The following AGGF1 variants were observed in gnomAD, a reference collection of about 807,000 sequenced individuals.
The protein encoded by AGGF1 is angiogenic factor with G-patch and FHA domains 1, also known as angiogenic factor with G patch and FHA domains 1.
Under a neutral mutation model 86.5 loss-of-function variants are expected in AGGF1, and 56 were observed. That is an observed-to-expected ratio of 0.65 (90% confidence interval 0.52 to 0.81). The LOEUF (loss-of-function observed/expected upper bound fraction) is 0.81. Among genes scored for constraint, AGGF1 ranks in the 30% least tolerant of loss-of-function variants. The pLI, the probability that AGGF1 is intolerant of heterozygous loss-of-function variation, is 0.00. For synonymous variants in AGGF1, 313 were observed against 297.1 expected, an observed-to-expected ratio of 1.05 and a Z score of -0.55; for missense variants, 816 against 850.9, an observed-to-expected ratio of 0.96 and a Z score of 0.51.
At chr5:77,043,524 CGGGCGGGGGGCTG>C (rs1747175620) in intron 5 of AGGF1, among the ~76,000 whole-genome samples, 2 of 131,418 alleles carry the variant, frequency 1.5e-5, no homozygotes, top group African/African-American at 5.7e-5. Flanking sequence ...GGCGGCTGGC[CGGGCGGGGGGCTG>C]ACCCCCCCAC....
At chr5:77,033,029 G>T (rs1296028561) in intron 1 of AGGF1, among the ~76,000 whole-genome samples, 2 of 152,194 alleles carry the variant, frequency 1.3e-5, no homozygotes, top group Non-Finnish European at 2.9e-5. Context: ...GTAATTGCCT[G>T]AGAGGATCAT....
chr5:77,048,385 T>A, intron 7 of AGGF1, 113 bp downstream of exon 7: 1 of 892,128 alleles, frequency 1.1e-6, no homozygotes, highest in South Asian at 1.6e-5. Flanking sequence ...AGAGTTGTGC[T>A]CTGTTGTCCA....
intron 5 of AGGF1, among the ~76,000 whole-genome samples, chr5:77,042,433 CG>C (rs1200494416): frequency 2.7e-5 from 3 of 110,336 alleles, no homozygotes; most frequent in African/African-American, 6.4e-5. Context: ...GCTGGCTGGG[CG>C]GGGGGGCTGA....
At position 77,046,343 on chromosome 5, in the gene AGGF1, C is replaced by T. The variant is rs775877518; in HGVS notation, c.871-4C>T. 3.7e-6 allele frequency: 6 copies of T among 1,612,038 alleles called. No individual in the cohort carries two copies. The highest frequency in any genetic ancestry group is 5.1e-6 in the Non-Finnish European group (6 of 1,178,696). On this transcript the variant is annotated splice_polypyrimidine_tract_variant and splice_region_variant and intron_variant, in intron 5 of 13. Coordinates refer to ENST00000312916, the MANE Select transcript of AGGF1 (RefSeq NM_018046.5). ...TTCCCTCGTATCTACCCACCCTTCT[C>T]CAGGATTTGAACTCAGAGGATCAAA...
chr5:77,030,924 C>T lies in AGGF1; in HGVS notation c.158C>T (p.Thr53Ile), dbSNP rs1451580695. ...GAGATCGAGAAGCTGCTGCATCACA[C>T]AGAACGGCTGTACCAGAACGCAGAA... ...VREIEKLLHHTERLYQNAESN... is the reference protein window; with the variant it reads ...VREIEKLLHHIERLYQNAESN... The change falls in exon 1 of 14, where the codon ACA (threonine) becomes ATA (isoleucine). Residue 53 changes from threonine to isoleucine, a missense_variant. Thr to Ile is a moderately conservative substitution (Grantham distance 89). This residue lies in a region of AGGF1 where 240 missense variants were observed against 234.4 expected (regional missense o/e 1.02). Coordinates refer to ENST00000312916, the MANE Select transcript of AGGF1 (RefSeq NM_018046.5). The T allele has an allele frequency of 3.1e-6, 5 of 1,613,336 alleles. No individual in the cohort carries two copies. Among genetic ancestry groups the T allele is most frequent in the Non-Finnish European group, 4.2e-6 (5 of 1,180,008 alleles).
At chr5:77,049,915 T>G (rs1158458641) in intron 8 of AGGF1, among the ~76,000 whole-genome samples, 2 of 152,164 alleles carry the variant, frequency 1.3e-5, no homozygotes, top group East Asian at 3.9e-4. Context: ...CTCTTATGGT[T>G]GTTATCTTTT....
intron 4 of AGGF1, among the ~76,000 whole-genome samples, chr5:77,038,332 CCTGT>C (rs138339682): frequency 0.041 from 6,275 of 152,234 alleles, 174 homozygotes; most frequent in Non-Finnish European, 0.062. Flanking sequence ...CAATCTTCTG[CCTGT>C]CTTTCTGTAT....
chr5:77,043,712 T>TG (rs1261354077), intron 5 of AGGF1, among the ~76,000 whole-genome samples: 7 of 133,312 alleles, frequency 5.3e-5, no homozygotes, highest in Non-Finnish European at 9.9e-5. Context: ...ACGGGGTGGC[T>TG]GCCGGGCGGA....
intron 4 of AGGF1, among the ~76,000 whole-genome samples, chr5:77,038,721 A>G (rs998613250): frequency 2.6e-5 from 4 of 152,196 alleles, no homozygotes; most frequent in Non-Finnish European, 4.4e-5. Context: ...TAGTTGCTCA[A>G]TCTCAGTACA....
At chr5:77,040,916 G>GC (rs2150728833) in intron 5 of AGGF1, among the ~76,000 whole-genome samples, 1 of 152,248 alleles carries the variant, frequency 6.6e-6, no homozygotes, top group African/African-American at 2.4e-5. Flanking sequence ...CAGGTTGAGT[G>GC]CAGTGGTGCC....
At chr5:77,061,665 C>A (rs189872319) in intron 12 of AGGF1, 38 bp from the exon 13 acceptor site, 55 of 1,555,046 alleles carry the variant, frequency 3.5e-5, no homozygotes, top group Non-Finnish European at 4.4e-5. Context: ...CCTAAAAGAT[C>A]TTTTATAAAT....
intron 5 of AGGF1, among the ~76,000 whole-genome samples, chr5:77,043,355 G>A (rs1747165173): frequency 2.2e-5 from 1 of 45,638 alleles, no homozygotes; most frequent in African/African-American, 9.0e-5. Context: ...GGCCGGGCGG[G>A]GGTCTGACCC....
In AGGF1 at chr5:77,063,529, A is replaced by G. The variant is rs1298615239; in HGVS notation, c.*277A>G. The G allele has an allele frequency of 1.7e-5, 7 of 405,682 alleles. No homozygotes were observed. The highest frequency in any genetic ancestry group is 4.2e-5 in the Admixed American group (1 of 23,648). 25.1% of individuals were successfully genotyped at this position (405,682 alleles called of 1,614,324 possible). On this transcript the variant is annotated 3_prime_UTR_variant, in exon 14 of 14. Coordinates refer to ENST00000312916, the MANE Select transcript of AGGF1 (RefSeq NM_018046.5). Reference sequence around the variant, plus strand: ...TTATCTTGTCATTTACAACATCCATATAAGCAACTAGCCATATAAGCAAAA... The same window carrying G: ...TTATCTTGTCATTTACAACATCCATGTAAGCAACTAGCCATATAAGCAAAA...
intron 7 of AGGF1, 128 bp from the exon 8 acceptor site, chr5:77,048,808 T>C (rs1262750939): frequency 1.1e-6 from 1 of 893,702 alleles, no homozygotes; most frequent in Non-Finnish European, 1.8e-6. Context: ...AACTGGATAA[T>C]CCATAACCAG....
At chr5:77,056,891 CA>C (rs200277189) in intron 11 of AGGF1, among the ~76,000 whole-genome samples, 1,617 of 151,714 alleles carry the variant, frequency 0.011, 32 homozygotes, top group African/African-American at 0.038. Context: ...CTAGAATATA[CA>C]AAAAACTTTC....
intron 11 of AGGF1, among the ~76,000 whole-genome samples, chr5:77,056,002 A>C (rs1296021548): frequency 3.9e-5 from 6 of 152,188 alleles, no homozygotes; most frequent in Non-Finnish European, 7.3e-5. Context: ...GCGAGATCTT[A>C]TCTCTACAAA....
chr5:77,062,726 C>A (rs1443451107), intron 13 of AGGF1, among the ~76,000 whole-genome samples: 1 of 152,108 alleles, frequency 6.6e-6, no homozygotes, highest in Non-Finnish European at 1.5e-5. Flanking sequence ...TGGGTTTAAA[C>A]ATATCCATTG....
chr5:77,049,548 CTTT>C (rs759329284), intron 8 of AGGF1, among the ~76,000 whole-genome samples: 18 of 130,622 alleles, frequency 1.4e-4, no homozygotes, highest in Admixed American at 2.3e-4. Flanking sequence ...TATATTTTTA[CTTT>C]TTTTTTTTTT....
Position 77,035,717 on chromosome 5 carries a change from G to A in AGGF1, c.490G>A (p.Val164Met). The change falls in exon 3 of 14, where the codon GTG (valine) becomes ATG (methionine). Residue 164 changes from valine to methionine, a missense_variant. Val to Met is a conservative substitution (Grantham distance 21, BLOSUM62 1). This residue lies in a region of AGGF1 where 240 missense variants were observed against 234.4 expected (regional missense o/e 1.02). Transcript: ENST00000312916. ...AACAGAAAATGTTAAATATAGACAA[G>A]TGGACCATTTTGCCTCAAATTCACA... The part of the protein sequence containing the change: ...DRTENVKYRQ[V>M]DHFASNSQEP... 1.2e-6 allele frequency: 2 copies of A among 1,613,568 alleles called. No individual in the cohort carries two copies. The highest frequency in any genetic ancestry group is 2.7e-5 in the African/African-American group (2 of 75,028).
Sources: allele counts gnomAD v4.1 joint callset (sites outside exome capture counted in the v4.1 genomes callset), GRCh38; gene constraint gnomAD v4.1.1; regional missense constraint gnomAD v4.1.1; transcripts MANE v1.5; gene names NCBI Gene and HGNC (gene_info 2026-07-23, HGNC 2026-07-21).